Variants in PLAGL1 observed in about 807,000 individuals in gnomAD.
PLAGL1 encodes the protein PLAG1 like zinc finger 1, also known as zinc finger protein PLAGL1.
Under a neutral mutation model 4.6 loss-of-function variants are expected in PLAGL1, and 1 was observed. The ratio of observed to expected loss-of-function variants is 0.22; its 90% CI spans 0.08 to 1.03. The LOEUF (loss-of-function observed/expected upper bound fraction) is 1.03. PLAGL1 is among the 50% of genes least tolerant of loss of function. The pLI, the probability that PLAGL1 is intolerant of heterozygous loss-of-function variation, is 0.58. For missense variants in PLAGL1, 464 were observed against 570.4 expected (o/e 0.81, Z 1.90); for synonymous variants, 240 against 237.8 (o/e 1.01, Z -0.08).
At chr6:144,020,150 C>T (rs866864883) in intron 1 of PLAGL1, among the ~76,000 whole-genome samples, 15 of 152,170 alleles carry the variant, frequency 9.9e-5, no homozygotes, top group African/African-American at 1.4e-4. Context: ...CCGCTGTCCA[C>T]GAACTAGAAA....
Position 143,940,458 on chromosome 6 carries a change from G to A in PLAGL1, c.*966C>T, listed in dbSNP as rs555954627. On this transcript the variant is annotated 3_prime_UTR_variant, in exon 8 of 8. Coordinates refer to ENST00000674357, the MANE Select transcript of PLAGL1 (RefSeq NM_001317162.2). ...AGAGATTATAGTTACATTGTAAAAC[G>A]TAATCTTCTTTTAATAAAAGCTAAT... The A allele has an allele frequency of 4.6e-5, 7 of 152,240 alleles. No individual in the cohort carries two copies. In the South Asian group the frequency reaches 1.5e-3, roughly 32 times the overall value. 9.4% of individuals were successfully genotyped at this position (152,240 alleles called of 1,614,324 possible).
At chr6:144,057,447 G>A (rs1222192793) in intron 1 of PLAGL1, among the ~76,000 whole-genome samples, 1 of 152,144 alleles carries the variant, frequency 6.6e-6, no homozygotes, top group African/African-American at 2.4e-5. Context: ...CCAAGGGCTG[G>A]CCCATCAGTG....
intron 1 of PLAGL1, chr6:144,037,146 T>A (rs1797302730): frequency 6.5e-6 from 1 of 153,662 alleles, no homozygotes; most frequent in Non-Finnish European, 1.5e-5. Flanking sequence ...TGAGACTGAA[T>A]TTTATGCTGT....
In PLAGL1 at chr6:144,005,200, A is replaced by G. The variant is rs1253366843; in HGVS notation, c.-584+2890T>C. Reference sequence around the variant, plus strand: ...CAGTGCAAATTAGAAATCAGTAACAAAAGGATAACTCACAAAACCTTCCAC... The same window carrying G: ...CAGTGCAAATTAGAAATCAGTAACAGAAGGATAACTCACAAAACCTTCCAC... On this transcript the variant is annotated intron_variant, in intron 1 of 7. Coordinates refer to ENST00000674357, the MANE Select transcript of PLAGL1 (RefSeq NM_001317162.2). This position sits in a 1 kb window ranked among gnomAD's most constrained non-coding sequence, Gnocchi z 4.6. The G allele has an allele frequency of 6.6e-6, 1 of 152,150 alleles. No individual in the cohort carries two copies. Among genetic ancestry groups the G allele is most frequent in the Non-Finnish European group, 1.5e-5 (1 of 68,004 alleles). 9.4% of individuals were successfully genotyped at this position (152,150 alleles called of 1,614,324 possible). A position where few individuals can be genotyped will look rare whatever the true frequency, so the allele number is the denominator to read the frequency against.
At chr6:143,944,641 G>A (rs1484196364) in intron 7 of PLAGL1, among the ~76,000 whole-genome samples, 8 of 152,046 alleles carry the variant, frequency 5.3e-5, no homozygotes, top group African/African-American at 1.9e-4. Context: ...CTAAATAAAT[G>A]CACAGGTTGG....
At position 144,006,473 on chromosome 6, in the gene PLAGL1, C is replaced by T. The variant is rs2128674536; in HGVS notation, c.-584+1617G>A. On this transcript the variant is annotated intron_variant, in intron 1 of 7. Coordinates refer to ENST00000674357, the MANE Select transcript of PLAGL1 (RefSeq NM_001317162.2). This position sits in a 1 kb window ranked among gnomAD's most constrained non-coding sequence, Gnocchi z 4.3. ...GATGACCATTAGCTTGACTTTTTTT[C>T]TTTACTACTTTTAATGCCTATACAT... 5 of 152,280 alleles carry T rather than the reference C, an allele frequency of 3.3e-5. 1 individual carries two copies. In the Middle Eastern group the frequency reaches 0.017, roughly 518 times the overall value. The allele number at this position is 152,280 out of a possible 1,614,324, so 9.4% of individuals were successfully genotyped here. A position where few individuals can be genotyped will look rare whatever the true frequency, so the allele number is the denominator to read the frequency against.
rs1425042920 is a variant in PLAGL1, at chr6:144,034,398, G to A, written c.-151+30070C>T. ...GGGGCTCACTGCACACTCATCCCAA[G>A]GGCAGTGACTTAAGCCTCTCCAGTT... On this transcript the variant is annotated intron_variant, in intron 1 of 3. Transcript: ENST00000437412. This position sits in a 1 kb window ranked among gnomAD's most constrained non-coding sequence, Gnocchi z 4.7. 6.6e-6 allele frequency among the ~76,000 whole-genome samples: 1 copy of A among 152,228 alleles called. No individual in the cohort carries two copies. Among genetic ancestry groups the A allele is most frequent in the Non-Finnish European group, 1.5e-5 (1 of 68,032 alleles).
intron 1 of PLAGL1, among the ~76,000 whole-genome samples, chr6:144,024,373 T>C (rs1796190356): frequency 1.3e-5 from 2 of 152,218 alleles, no homozygotes; most frequent in Admixed American, 1.3e-4. Flanking sequence ...TGAATTGTAA[T>C]AATCCCCATG....
chr6:143,998,571 C>A (rs954504605), intron 1 of PLAGL1, among the ~76,000 whole-genome samples: 18 of 152,090 alleles, frequency 1.2e-4, no homozygotes, highest in African/African-American at 4.1e-4. Flanking sequence ...TCTTTGTATG[C>A]AAAGTATCAT....
Position 143,981,981 on chromosome 6 carries a change from G to A in PLAGL1, c.-544+3154C>T, listed in dbSNP as rs575493734. ...TCATTAAACCAGCATTTATTGAGTG[G>A]TTGTTTTTCCTGGCATTGTTCTAGG... On this transcript the variant is annotated intron_variant, in intron 2 of 7. Coordinates refer to ENST00000674357, the MANE Select transcript of PLAGL1 (RefSeq NM_001317162.2). Among the ~76,000 whole-genome samples, 5 of 152,184 alleles carry A rather than the reference G, an allele frequency of 3.3e-5. No homozygotes were observed. In the East Asian group the frequency reaches 9.7e-4, roughly 29 times the overall value.
In PLAGL1 at chr6:143,957,025, G is replaced by T. The variant is rs1206032975; in HGVS notation, c.-325+3444C>A. On this transcript the variant is annotated intron_variant, in intron 6 of 7. Transcript: ENST00000674357. This position sits in a 1 kb window ranked among gnomAD's most constrained non-coding sequence, Gnocchi z 4.2. ...AAGGGCCAAAGGCCTTCTTCCAGATGGGTCATCCAGTATAGTACCCACCAG... is the reference window on the plus strand; with the variant it reads ...AAGGGCCAAAGGCCTTCTTCCAGATTGGTCATCCAGTATAGTACCCACCAG... 6.6e-6 allele frequency among the ~76,000 whole-genome samples: 1 copy of T among 152,232 alleles called. No individual in the cohort carries two copies. Among genetic ancestry groups the T allele is most frequent in the African/African-American group, 2.4e-5 (1 of 41,462 alleles).
Position 144,056,169 on chromosome 6 carries a change from T to A in PLAGL1, c.-151+8299A>T, listed in dbSNP as rs976242401. Among the ~76,000 whole-genome samples, 11 of 152,164 alleles carry A rather than the reference T, an allele frequency of 7.2e-5. No homozygotes were observed. The highest frequency in any genetic ancestry group is 3.4e-3 in the Middle Eastern group (1 of 294). On this transcript the variant is annotated intron_variant, in intron 1 of 3. Coordinates refer to the PLAGL1 transcript ENST00000437412. The surrounding 1 kb of genome is among the most constrained non-coding windows in gnomAD (Gnocchi z 4.7). The stretch of plus-strand genomic sequence containing the variant: ...ATATCTTTTAACACATTCGCTTTTT[T>A]AAAAAAGCCTATTTTTCAAAGCTGT...
In PLAGL1 at chr6:143,941,330, T is replaced by C; in HGVS notation, c.*94A>G. On this transcript the variant is annotated 3_prime_UTR_variant, in exon 8 of 8. Transcript: ENST00000674357. This position sits in a 1 kb window ranked among gnomAD's most constrained non-coding sequence, Gnocchi z 6.0. ...ATCACTGAATAAGCCATAGTCCCAG[T>C]CTCGTTTTCCAAATCTTTCTCATAT... The C allele has an allele frequency of 1.1e-6, 1 of 946,216 alleles. No individual in the cohort carries two copies. The highest frequency in any genetic ancestry group is 1.7e-5 in the African/African-American group (1 of 60,594). The allele number at this position is 946,216 out of a possible 1,614,324, so 58.6% of individuals were successfully genotyped here. A position where few individuals can be genotyped will look rare whatever the true frequency, so the allele number is the denominator to read the frequency against.
chr6:144,000,672 G>T lies in PLAGL1; in HGVS notation c.-584+7418C>A, dbSNP rs534939371. On this transcript the variant is annotated intron_variant, in intron 1 of 7. Coordinates refer to ENST00000674357, the MANE Select transcript of PLAGL1 (RefSeq NM_001317162.2). The surrounding 1 kb of genome is among the most constrained non-coding windows in gnomAD (Gnocchi z 4.1). ...CAGGTACTAAAACTCATATGGAATGGGAAAGGTCTAAAATTGCCAAACAAT... is the reference window on the plus strand; with the variant it reads ...CAGGTACTAAAACTCATATGGAATGTGAAAGGTCTAAAATTGCCAAACAAT... Among the ~76,000 whole-genome samples, 1 of 152,056 alleles carries T rather than the reference G, an allele frequency of 6.6e-6. No individual in the cohort carries two copies. Among genetic ancestry groups the T allele is most frequent in the Non-Finnish European group, 1.5e-5 (1 of 67,958 alleles).
chr6:144,004,185 T>C lies in PLAGL1; in HGVS notation c.-584+3905A>G, dbSNP rs1329316553. On this transcript the variant is annotated intron_variant, in intron 1 of 7. Transcript: ENST00000674357. This position sits in a 1 kb window ranked among gnomAD's most constrained non-coding sequence, Gnocchi z 4.2. ...AATGGGGATAACTATGTTCCAGTAATTTTTTTTTTTTTTAAGATGGGGTCA... is the reference window on the plus strand; with the variant it reads ...AATGGGGATAACTATGTTCCAGTAACTTTTTTTTTTTTTAAGATGGGGTCA... Among the ~76,000 whole-genome samples, 2 of 5,792 alleles carry C rather than the reference T, an allele frequency of 3.5e-4. No homozygotes were observed. The highest frequency in any genetic ancestry group is 6.0e-4 in the African/African-American group (1 of 1,654). The allele number at this position is 5,792 out of a possible 152,430, so 3.8% of individuals were successfully genotyped here.
At chr6:144,054,049 A>C (rs1419729588) in intron 1 of PLAGL1, among the ~76,000 whole-genome samples, 1 of 152,270 alleles carries the variant, frequency 6.6e-6, no homozygotes, top group African/African-American at 2.4e-5. Flanking sequence ...TACTTATGTC[A>C]AATGACAATT....
intron 1 of PLAGL1, among the ~76,000 whole-genome samples, chr6:144,001,418 A>G (rs186824770): frequency 9.0e-4 from 137 of 152,308 alleles, no homozygotes; most frequent in African/African-American, 3.1e-3. Flanking sequence ...ATAAATGTAG[A>G]AAGAAGGAAG....
intron 7 of PLAGL1, among the ~76,000 whole-genome samples, chr6:143,943,742 C>T (rs1180345227): frequency 6.6e-6 from 1 of 152,158 alleles, no homozygotes; most frequent in East Asian, 1.9e-4. Flanking sequence ...AGTTTGTCTT[C>T]AACAATGGCT....
intron 2 of PLAGL1, among the ~76,000 whole-genome samples, chr6:143,969,690 C>G (rs1463288043): frequency 6.6e-6 from 1 of 151,516 alleles, no homozygotes; most frequent in Admixed American, 6.6e-5. Context: ...GAACACTATT[C>G]CTTTGGGTAA....
Sources: gnomAD v4.1 joint callset for allele counts (sites outside exome capture counted in the v4.1 genomes callset) on GRCh38, gnomAD v4.1.1 for gene constraint, Gnocchi (gnomAD v3.1) non-coding constraint, MANE v1.5 for transcripts, NCBI Gene and HGNC (gene_info 2026-07-23, HGNC 2026-07-21) for gene names.